The following RXRG variants were observed in gnomAD, a reference collection of about 807,000 sequenced individuals.
RXRG encodes the protein retinoid X receptor gamma, also known as retinoic acid receptor RXR-gamma.
In RXRG, 19 loss-of-function variants were observed where a neutral mutation model predicts 49.2. That is an observed-to-expected ratio of 0.39 (90% CI 0.27 to 0.57). The LOEUF (loss-of-function observed/expected upper bound fraction) is 0.57, where lower values mean the gene tolerates loss of function less well. Ranked by LOEUF, RXRG falls within the 20% of genes least tolerant of loss-of-function variation. RXRG has a pLI of 0.64. For synonymous variants in RXRG, 224 were observed against 216.6 expected (o/e 1.03, Z -0.30); for missense variants, 452 against 592.5 (o/e 0.76, Z 2.46).
intron 9 of RXRG, among the ~76,000 whole-genome samples, chr1:165,405,283 A>C (rs904648293): frequency 2.6e-5 from 4 of 152,232 alleles, no homozygotes; most frequent in African/African-American, 9.6e-5. Context: ...GCTTCAATTA[A>C]GATGATTTGC....
intron 3 of RXRG, among the ~76,000 whole-genome samples, chr1:165,417,631 A>G (rs758461326): frequency 8.5e-5 from 13 of 152,238 alleles, no homozygotes; most frequent in Non-Finnish European, 1.8e-4. Flanking sequence ...TTAACTAATT[A>G]TAATTGAGAC....
At chr1:165,410,642 T>C in intron 6 of RXRG, 60 bp downstream of exon 6, 5 of 1,600,600 alleles carry the variant, frequency 3.1e-6, no homozygotes, top group Non-Finnish European at 3.4e-6. Flanking sequence ...CTACTTTTTT[T>C]AGGATCCCAA....
In RXRG at chr1:165,401,429, G is replaced by T. The variant is rs1261009796; in HGVS notation, c.1245-19C>A. ...GGCAAACCTGCAGGGAAGCCAAGAG[G>T]CATCAGGGACAGGGACGGGCAGGCA... On this transcript the variant is annotated intron_variant, in intron 9 of 9. Coordinates refer to ENST00000359842, the MANE Select transcript of RXRG (RefSeq NM_006917.5). The T allele has an allele frequency of 1.9e-6, 3 of 1,613,202 alleles. No individual in the cohort carries two copies. Among genetic ancestry groups the T allele is most frequent in the African/African-American group, 2.7e-5 (2 of 75,070 alleles).
At chr1:165,434,035 T>C (rs1158567582) in intron 1 of RXRG, among the ~76,000 whole-genome samples, 1 of 152,206 alleles carries the variant, frequency 6.6e-6, no homozygotes, top group Non-Finnish European at 1.5e-5. Flanking sequence ...ACTTTCCAGC[T>C]ATGTAAATTT....
chr1:165,440,921 A>T (rs767699731), intron 1 of RXRG, among the ~76,000 whole-genome samples: 5 of 152,264 alleles, frequency 3.3e-5, no homozygotes, highest in Non-Finnish European at 7.3e-5. Context: ...TTTAGAAAAT[A>T]GTTTATACGA....
Position 165,428,733 on chromosome 1 carries a change from G to T in RXRG, c.283C>A (p.Pro95Thr), listed in dbSNP as rs1658570752. Residue 95 changes from proline (P) to threonine (T), a missense_variant, in exon 2 of 10, where the codon CCA (proline) becomes ACA (threonine). Pro to Thr is a conservative substitution (Grantham distance 38). This residue lies in a region of RXRG where 166 missense variants were observed against 151.7 expected (regional missense o/e 1.09). Coordinates refer to ENST00000359842, the MANE Select transcript of RXRG (RefSeq NM_006917.5). ...AGAACACTTACCTGAGAGCTGGGTG[G>T]GGCAACCAAGTTGATTCCTGGAGGC... is the stretch of plus-strand genomic sequence containing the variant. ...AAPPGINLVA[P>T]PSSQLNVVNS... The T allele has an allele frequency of 6.3e-7, 1 of 1,598,840 alleles. No individual in the cohort carries two copies. The highest frequency in any genetic ancestry group is 2.2e-5 in the East Asian group (1 of 44,520).
At chr1:165,430,003 C>T (rs1658620569) in intron 1 of RXRG, among the ~76,000 whole-genome samples, 2 of 152,132 alleles carry the variant, frequency 1.3e-5, no homozygotes, top group Admixed American at 1.3e-4. Flanking sequence ...GGGCACCCCA[C>T]CGTGGATCCC....
intron 1 of RXRG, among the ~76,000 whole-genome samples, chr1:165,443,442 T>C (rs1659066418): frequency 6.6e-6 from 1 of 152,178 alleles, no homozygotes; most frequent in African/African-American, 2.4e-5. Context: ...GGTCACAGCA[T>C]TGGCCACCGC....
intron 8 of RXRG, among the ~76,000 whole-genome samples, chr1:165,407,762 C>A (rs553388630): frequency 6.6e-6 from 1 of 152,240 alleles, no homozygotes; most frequent in Admixed American, 6.5e-5. Flanking sequence ...CGATTCCTAC[C>A]CACCCGCTGT....
intron 1 of RXRG, among the ~76,000 whole-genome samples, chr1:165,429,677 C>A (rs2101736190): frequency 6.6e-6 from 1 of 152,272 alleles, no homozygotes; most frequent in East Asian, 1.9e-4. Flanking sequence ...CTAGGCATGG[C>A]TTTATGGCCA....
chr1:165,417,359 C>A, intron 3 of RXRG, 139 bp from the exon 4 acceptor site: 1 of 690,792 alleles, frequency 1.4e-6, no homozygotes, highest in South Asian at 2.4e-5. Context: ...TAATCACTAG[C>A]AGAGAATGCA....
chr1:165,409,112 C>T (rs1657851901), intron 7 of RXRG, among the ~76,000 whole-genome samples: 1 of 152,186 alleles, frequency 6.6e-6, no homozygotes, highest in African/African-American at 2.4e-5. Flanking sequence ...CAGAGCCCAG[C>T]ATAAACAGTC....
In RXRG at chr1:165,406,935, G is replaced by C. The variant is rs1351537414; in HGVS notation, c.1139-18C>G. The stretch of plus-strand genomic sequence containing the variant: ...CTTGGCATCTAAAAGACATGACTGA[G>C]TTAGCCTTTGATTACACACCCTCCA... On this transcript the variant is annotated intron_variant, in intron 8 of 9. Coordinates refer to ENST00000359842, the MANE Select transcript of RXRG (RefSeq NM_006917.5). 3 of 1,575,934 alleles carry C rather than the reference G, an allele frequency of 1.9e-6. No homozygotes were observed. Among genetic ancestry groups the C allele is most frequent in the Non-Finnish European group, 1.7e-6 (2 of 1,146,476 alleles).
At chr1:165,409,738 TCTTTACTTATAATC>T in intron 6 of RXRG, 48 bp from the exon 7 acceptor site, 1 of 1,395,770 alleles carries the variant, frequency 7.2e-7, no homozygotes, top group Non-Finnish European at 9.4e-7. Context: ...ACACATTCTT[TCTTTACTTATAATC>T]ACCCAAGGCA....
At chr1:165,437,266 A>G in intron 1 of RXRG, 2 of 1,348,186 alleles carry the variant, frequency 1.5e-6, no homozygotes, top group Non-Finnish European at 2.0e-6. Context: ...CTGCTTGTAT[A>G]TGGGCTGTGT....
intron 2 of RXRG, among the ~76,000 whole-genome samples, chr1:165,420,410 G>A (rs574148846): frequency 1.6e-4 from 25 of 152,194 alleles, no homozygotes; most frequent in Non-Finnish European, 2.8e-4. Context: ...GAGGAACTAC[G>A]ACCCTCAGGC....
chr1:165,411,039 A>G lies in RXRG; in HGVS notation c.693T>C (p.His231=), dbSNP rs757072395. ...GAATCCTCTCCACAGGCATGTCTTC[A>G]TGACCACTGGTAGCACATTCTGCCT... The part of the protein sequence containing the change: ...ESEAECATSG[H]EDMPVERILE... The change falls in exon 5 of 10, where the codon CAT becomes CAC. Residue 231 remains histidine, a synonymous_variant. Coordinates refer to ENST00000359842, the MANE Select transcript of RXRG (RefSeq NM_006917.5). 7.4e-6 allele frequency: 12 copies of G among 1,614,018 alleles called. No individual in the cohort carries two copies. The African/African-American group carries it at 1.5e-4, about 20-fold the overall frequency.
At chr1:165,409,404 AGCTAACTGTTTGG>A (rs2101708715) in intron 7 of RXRG, among the ~76,000 whole-genome samples, 141 bp downstream of exon 7, 1 of 152,108 alleles carries the variant, frequency 6.6e-6, no homozygotes, top group Non-Finnish European at 1.5e-5. Flanking sequence ...GGTCATGTGT[AGCTAACTGTTTGG>A]GCTGCCCATC....
At chr1:165,440,450 C>T (rs12093563) in intron 1 of RXRG, among the ~76,000 whole-genome samples, 9,265 of 152,174 alleles carry the variant, frequency 0.061, 709 homozygotes, top group African/African-American at 0.18. Flanking sequence ...ATTATACTTA[C>T]CAATTGAGCA....
Sources: allele counts gnomAD v4.1 joint callset (sites outside exome capture counted in the v4.1 genomes callset), GRCh38; gene constraint gnomAD v4.1.1; regional missense constraint gnomAD v4.1.1; transcripts MANE v1.5; gene names NCBI Gene and HGNC (gene_info 2026-07-23, HGNC 2026-07-21).